Variants in LOXHD1 observed in about 807,000 individuals in gnomAD.
LOXHD1 encodes lipoxygenase homology PLAT domains 1, also known as lipoxygenase homology domain-containing protein 1.
Under a neutral mutation model 248.2 loss-of-function variants are expected in LOXHD1, and 205 were observed. That is an observed-to-expected ratio of 0.83 (90% CI 0.74 to 0.93). The LOEUF (loss-of-function observed/expected upper bound fraction) is 0.93, where lower values mean the gene tolerates loss of function less well. Among genes scored for constraint, LOXHD1 ranks in the 40% least tolerant of loss-of-function variants. The pLI is 0.00. For synonymous variants in LOXHD1, 1,113 were observed against 1,162.8 expected, an observed-to-expected ratio of 0.96 and a Z score of 0.87; for missense variants, 2,930 against 2,971.6, an observed-to-expected ratio of 0.99 and a Z score of 0.33.
intron 37 of LOXHD1, among the ~76,000 whole-genome samples, chr18:46,499,995 T>C (rs1412474733): frequency 6.6e-6 from 1 of 152,170 alleles, no homozygotes; most frequent in Non-Finnish European, 1.5e-5. Context: ...GTGAACAATC[T>C]TCAGCATTAC....
chr18:46,610,673 A>G (rs941630324), intron 6 of LOXHD1, 103 bp downstream of exon 6: 2 of 1,331,888 alleles, frequency 1.5e-6, no homozygotes, highest in African/African-American at 1.5e-5. Flanking sequence ...GTGGATGCAG[A>G]TGGACCTAGA....
chr18:46,623,138 T>C (rs556599362), intron 4 of LOXHD1, among the ~76,000 whole-genome samples: 3 of 152,336 alleles, frequency 2.0e-5, no homozygotes, highest in South Asian at 2.1e-4. Context: ...TTAGCCTATA[T>C]GGAACCTTTG....
intron 6 of LOXHD1, among the ~76,000 whole-genome samples, chr18:46,609,208 G>A (rs1441922690): frequency 6.6e-6 from 1 of 152,196 alleles, no homozygotes. Flanking sequence ...CAAATTGGAG[G>A]ATGAAAGTCC....
chr18:46,502,997 A>C (rs2034330708), intron 37 of LOXHD1, among the ~76,000 whole-genome samples: 1 of 152,184 alleles, frequency 6.6e-6, no homozygotes, highest in Non-Finnish European at 1.5e-5. Context: ...ACAGGATTAA[A>C]AGACCTGGTA....
At chr18:46,605,049 T>C (rs1341783322) in intron 6 of LOXHD1, among the ~76,000 whole-genome samples, 1 of 152,216 alleles carries the variant, frequency 6.6e-6, no homozygotes, top group East Asian at 1.9e-4. Context: ...ATTAAGATGA[T>C]AAAATGCTAC....
At chr18:46,607,967 G>GT (rs766521909) in intron 6 of LOXHD1, among the ~76,000 whole-genome samples, 1 of 149,270 alleles carries the variant, frequency 6.7e-6, no homozygotes, top group Non-Finnish European at 1.5e-5. Flanking sequence ...TAAACAAATA[G>GT]CCTGCCCATC....
At chr18:46,643,236 G>A (rs566242379) in intron 2 of LOXHD1, among the ~76,000 whole-genome samples, 3 of 152,276 alleles carry the variant, frequency 2.0e-5, no homozygotes, top group East Asian at 3.9e-4. Context: ...ATGCAGCCTG[G>A]GTGCAAAGGA....
chr18:46,643,642 A>G (rs947752806), intron 2 of LOXHD1, among the ~76,000 whole-genome samples: 6 of 152,162 alleles, frequency 3.9e-5, no homozygotes, highest in African/African-American at 1.4e-4. Context: ...ATGTGTGGAC[A>G]TTGTTTCTGC....
intron 17 of LOXHD1, among the ~76,000 whole-genome samples, chr18:46,564,339 CACA>C (rs1231719076): frequency 1.3e-5 from 2 of 152,026 alleles, no homozygotes; most frequent in East Asian, 1.9e-4. Flanking sequence ...GCCTGGGCAA[CACA>C]ACAAGATCCC....
At chr18:46,624,031 G>A (rs545925338) in intron 4 of LOXHD1, among the ~76,000 whole-genome samples, 1 of 152,366 alleles carries the variant, frequency 6.6e-6, no homozygotes, top group East Asian at 1.9e-4. Context: ...GCTTTCTTAG[G>A]AAGCAGAGAA....
intron 37 of LOXHD1, among the ~76,000 whole-genome samples, chr18:46,491,256 G>A (rs1266128960): frequency 6.6e-6 from 1 of 152,210 alleles, no homozygotes; most frequent in Admixed American, 6.5e-5. Flanking sequence ...TGGGGCCTAG[G>A]CATCATTAGT....
Position 46,485,129 on chromosome 18 carries a change from C to T in LOXHD1, c.6072G>A (p.Thr2024=), listed in dbSNP as rs1376734175. The change falls in exon 39 of 41, where the codon ACG becomes ACA. Residue 2024 remains threonine, a synonymous_variant. Transcript: ENST00000642948. ...EETTYEIVIE[T]GNGGETRENV... ...TCTCCCTGGTTTCGCCTCCGTTGCC[C>T]GTTTCTATGACGATCTCGTAGGCTG... is the stretch of plus-strand genomic sequence containing the variant. 7.7e-6 allele frequency: 12 copies of T among 1,549,522 alleles called. 1 individual carries two copies. The highest frequency in any genetic ancestry group is 4.0e-5 in the Admixed American group (2 of 50,592).
At chr18:46,557,530 C>T (rs1455585015) in intron 20 of LOXHD1, 41 bp from the exon 21 acceptor site, 1 of 1,550,932 alleles carries the variant, frequency 6.4e-7, no homozygotes, top group African/African-American at 1.4e-5. Context: ...TAAGACCTAC[C>T]CCTCCCCACA....
At position 46,591,915 on chromosome 18, in the gene LOXHD1, G is replaced by A. The variant is rs879112235; in HGVS notation, c.1654+18C>T. On this transcript the variant is annotated intron_variant, in intron 12 of 40. Coordinates refer to ENST00000642948, the MANE Select transcript of LOXHD1 (RefSeq NM_001384474.1). The stretch of plus-strand genomic sequence containing the variant: ...GAGTTCCACTGCCTCCCAGGATGGA[G>A]AGCCTGTCAGTACTTACTGCCCATG... 1.3e-6 allele frequency: 2 copies of A among 1,551,504 alleles called. No homozygotes were observed. The highest frequency in any genetic ancestry group is 2.0e-5 in the Admixed American group (1 of 51,006).
chr18:46,542,601 A>T, intron 24 of LOXHD1, 126 bp downstream of exon 24: 1 of 1,184,248 alleles, frequency 8.4e-7, no homozygotes, highest in Non-Finnish European at 1.2e-6. Context: ...TAAAGGGATT[A>T]AGGAAGCTGT....
At chr18:46,542,673 C>A (rs574941936) in intron 24 of LOXHD1, 54 bp downstream of exon 24, 7 of 1,545,354 alleles carry the variant, frequency 4.5e-6, no homozygotes, top group Non-Finnish European at 6.1e-6. Flanking sequence ...CCCACAAGGA[C>A]CTGTCCATGG....
Position 46,560,133 on chromosome 18 carries a change from T to C in LOXHD1, c.3011A>G (p.Asp1004Gly). Reference sequence around the variant, plus strand: ...CACCAACTCCACGACAAGTTCGTTGTCCTCCTTGCCCCGGGCCAGCCAGCG... The same window carrying C: ...CACCAACTCCACGACAAGTTCGTTGCCCTCCTTGCCCCGGGCCAGCCAGCG... ...AHRWLARGKE[D>G]NELVVELVPA... is the part of the protein sequence containing the mutation. Residue 1004 changes from aspartate to glycine, a missense_variant, in exon 19 of 41, where the codon GAC (aspartate) becomes GGC (glycine). Physicochemically the swap from Asp to Gly is moderately conservative, Grantham distance 94 (BLOSUM62 -1). Transcript: ENST00000642948. 6.5e-7 allele frequency: 1 copy of C among 1,538,408 alleles called. No homozygotes were observed. The highest frequency in any genetic ancestry group is 8.8e-7 in the Non-Finnish European group (1 of 1,139,388).
At chr18:46,560,857 C>A (rs888834449) in intron 18 of LOXHD1, among the ~76,000 whole-genome samples, 1 of 152,080 alleles carries the variant, frequency 6.6e-6, no homozygotes, top group African/African-American at 2.4e-5. Flanking sequence ...CACGCACGCG[C>A]GCGCGCGCGC....
chr18:46,565,246 G>C (rs1051698081), intron 17 of LOXHD1, among the ~76,000 whole-genome samples: 6 of 138,112 alleles, frequency 4.3e-5, no homozygotes, highest in Non-Finnish European at 9.7e-5. Flanking sequence ...GGGCAACAGA[G>C]TAAGGCTCTG....
Sources: gnomAD v4.1 joint callset for allele counts (sites outside exome capture counted in the v4.1 genomes callset) on GRCh38, gnomAD v4.1.1 for gene constraint, MANE v1.5 for transcripts, NCBI Gene and HGNC (gene_info 2026-07-23, HGNC 2026-07-21) for gene names.